Variants in SLAIN2 observed in about 807,000 individuals in gnomAD.
The protein encoded by SLAIN2 is SLAIN motif-containing protein 2.
SLAIN2 carries 31 observed loss-of-function variants against 56.6 expected under a neutral mutation model. That is an observed-to-expected ratio of 0.55 (90% CI 0.41 to 0.74). The LOEUF (loss-of-function observed/expected upper bound fraction) is 0.74. SLAIN2 is among the 30% of genes least tolerant of loss of function. The probability of loss-of-function intolerance (pLI) is 0.00; values close to 1 mark genes in which losing one functional copy is unlikely to be tolerated. For missense variants in SLAIN2, 777 were observed against 754.2 expected, an observed-to-expected ratio of 1.03 and a Z score of -0.35; for synonymous variants, 317 against 284.9, an observed-to-expected ratio of 1.11 and a Z score of -1.13.
At position 48,424,118 on chromosome 4, in the gene SLAIN2, A is replaced by G. The variant is rs1717234782; in HGVS notation, c.*2041A>G. The G allele has an allele frequency of 6.6e-6, 1 of 152,186 alleles. No homozygotes were observed. Among genetic ancestry groups the G allele is most frequent in the Non-Finnish European group, 1.5e-5 (1 of 68,022 alleles). 9.4% of individuals were successfully genotyped at this position (152,186 alleles called of 1,614,324 possible). A position where few individuals can be genotyped will look rare whatever the true frequency, so the allele number is the denominator to read the frequency against. On this transcript the variant is annotated 3_prime_UTR_variant, in exon 8 of 8. Transcript: ENST00000264313. ...TCAGGTTATTTAACTTTGTTTTTAA[A>G]TGGCTGCATCAGAAAAAAATGTCTA...
At chr4:48,360,836 G>A (rs1049445220) in intron 1 of SLAIN2, among the ~76,000 whole-genome samples, 5 of 152,072 alleles carry the variant, frequency 3.3e-5, no homozygotes, top group African/African-American at 4.8e-5. Context: ...GCCTATTCTA[G>A]ACATTCCATA....
chr4:48,380,159 C>G (rs1427181014), intron 4 of SLAIN2, among the ~76,000 whole-genome samples: 1 of 152,082 alleles, frequency 6.6e-6, no homozygotes, highest in Non-Finnish European at 1.5e-5. Flanking sequence ...AATTGTTAGT[C>G]TATTACCCTT....
chr4:48,354,629 G>A (rs1455701242), intron 1 of SLAIN2, among the ~76,000 whole-genome samples: 2 of 151,856 alleles, frequency 1.3e-5, no homozygotes, highest in Admixed American at 6.6e-5. Flanking sequence ...ACCACATTCA[G>A]CTAATTTTTA....
At chr4:48,411,086 GTT>G (rs1299104507) in intron 6 of SLAIN2, among the ~76,000 whole-genome samples, 2 of 152,060 alleles carry the variant, frequency 1.3e-5, no homozygotes, top group Non-Finnish European at 2.9e-5. Flanking sequence ...CGTCGTTGTT[GTT>G]TTAACTAGTG....
intron 2 of SLAIN2, among the ~76,000 whole-genome samples, chr4:48,370,740 A>C (rs1184184970): frequency 3.3e-5 from 5 of 152,228 alleles, no homozygotes; most frequent in Admixed American, 3.3e-4. Context: ...TATTTCTCTC[A>C]GTCTGTTTTA....
intron 1 of SLAIN2, among the ~76,000 whole-genome samples, chr4:48,361,706 G>A (rs1390835670): frequency 6.6e-6 from 1 of 151,976 alleles, no homozygotes; most frequent in East Asian, 1.9e-4. Flanking sequence ...GTCAATTTCT[G>A]CTAAAAATGC....
At chr4:48,353,257 A>G (rs1715059855) in intron 1 of SLAIN2, among the ~76,000 whole-genome samples, 1 of 152,198 alleles carries the variant, frequency 6.6e-6, no homozygotes, top group Admixed American at 6.5e-5. Flanking sequence ...TCAGAACAGT[A>G]GATTTAAATT....
chr4:48,370,025 C>T, intron 2 of SLAIN2, 28 bp downstream of exon 2: 1 of 1,602,914 alleles, frequency 6.2e-7, no homozygotes, highest in Non-Finnish European at 8.5e-7. Context: ...CTTGTAAATT[C>T]ATCTCTTTGC....
intron 6 of SLAIN2, among the ~76,000 whole-genome samples, chr4:48,404,463 C>T (rs554172503): frequency 6.6e-6 from 1 of 152,300 alleles, no homozygotes; most frequent in East Asian, 1.9e-4. Context: ...GCTTTCTCCT[C>T]TTACAGTTGT....
At chr4:48,360,941 A>G (rs1715311566) in intron 1 of SLAIN2, among the ~76,000 whole-genome samples, 1 of 152,234 alleles carries the variant, frequency 6.6e-6, no homozygotes, top group African/African-American at 2.4e-5. Flanking sequence ...ATTGCCTCCA[A>G]CACATTTTTA....
At position 48,395,810 on chromosome 4, in the gene SLAIN2, C is replaced by CTTTTTTTT. The variant is rs10649464; in HGVS notation, c.1360+12037_1360+12044dup. ...TGTGGACTTATTTGGGAACCTTAGG[C>CTTTTTTTT]TTTTTTTTTTTTTTTTTTGAGACTT... On this transcript the variant is annotated intron_variant, in intron 6 of 7. Coordinates refer to ENST00000264313, the MANE Select transcript of SLAIN2 (RefSeq NM_020846.2). 4.7e-3 allele frequency among the ~76,000 whole-genome samples: 345 copies of CTTTTTTTT among 72,652 alleles called. 11 individuals carry two copies. Among genetic ancestry groups the CTTTTTTTT allele is most frequent in the Middle Eastern group, 8.2e-3 (1 of 122 alleles). The allele number at this position is 72,652 out of a possible 152,430, so 47.7% of individuals were successfully genotyped here.
chr4:48,385,446 A>G (rs1716075641), intron 6 of SLAIN2, among the ~76,000 whole-genome samples: 1 of 152,120 alleles, frequency 6.6e-6, no homozygotes, highest in African/African-American at 2.4e-5. Flanking sequence ...CAATGGATGC[A>G]TATTGTCTCA....
chr4:48,353,187 G>A (rs1715057626), intron 1 of SLAIN2, among the ~76,000 whole-genome samples: 1 of 152,152 alleles, frequency 6.6e-6, no homozygotes, highest in Admixed American at 6.5e-5. Context: ...TGAAAATTAA[G>A]AATAAGTTAA....
chr4:48,377,761 TC>T (rs1715860716), intron 2 of SLAIN2, 134 bp from the exon 3 acceptor site: 6 of 819,746 alleles, frequency 7.3e-6, no homozygotes, highest in South Asian at 5.2e-5. Context: ...TTATATTTTT[TC>T]CCCCACTACC....
chr4:48,396,122 G>T (rs1222019113), intron 6 of SLAIN2, among the ~76,000 whole-genome samples: 1 of 151,950 alleles, frequency 6.6e-6, no homozygotes, highest in African/African-American at 2.4e-5. Flanking sequence ...TTTAAAATTT[G>T]CCTATAGGGG....
chr4:48,375,907 C>A (rs972413323), intron 2 of SLAIN2, among the ~76,000 whole-genome samples: 2 of 152,230 alleles, frequency 1.3e-5, no homozygotes, highest in African/African-American at 4.8e-5. Context: ...GCTTCAATGC[C>A]TCTCCTTCCA....
Position 48,341,577 on chromosome 4 carries a change from C to G in SLAIN2, c.-163C>G. 8.7e-7 allele frequency: 1 copy of G among 1,154,542 alleles called. No homozygotes were observed. The highest frequency in any genetic ancestry group is 1.1e-6 in the Non-Finnish European group (1 of 872,392). 71.5% of individuals were successfully genotyped at this position (1,154,542 alleles called of 1,614,324 possible). On this transcript the variant is annotated 5_prime_UTR_variant, in exon 1 of 8. Transcript: ENST00000264313. ...GGCAGTTCGGCTGGGGCCAGCGGCG[C>G]TTTGGAACCCGAGGTGGGGGGACCC...
Position 48,348,212 on chromosome 4 carries a change from A to C in SLAIN2, c.389+6084A>C, listed in dbSNP as rs367983427. Among the ~76,000 whole-genome samples the C allele has an allele frequency of 1.4e-4, 21 of 152,298 alleles. No individual in the cohort carries two copies. In the South Asian group the frequency reaches 2.5e-3, roughly 18 times the overall value. On this transcript the variant is annotated intron_variant, in intron 1 of 7. Coordinates refer to ENST00000264313, the MANE Select transcript of SLAIN2 (RefSeq NM_020846.2). ...AAATTTTGTTTTAGTAGAAGGAAGA[A>C]TTTTTTAATAGAGCTGTTTTTGGAT...
intron 1 of SLAIN2, among the ~76,000 whole-genome samples, chr4:48,346,580 G>C (rs1017575308): frequency 1.3e-5 from 2 of 152,118 alleles, no homozygotes; most frequent in African/African-American, 4.8e-5. Flanking sequence ...TATGCTTTTT[G>C]TAGAGGGCCA....
Sources: gnomAD v4.1 joint callset for allele counts (sites outside exome capture counted in the v4.1 genomes callset) on GRCh38, gnomAD v4.1.1 for gene constraint, MANE v1.5 for transcripts, NCBI Gene and HGNC (gene_info 2026-07-23, HGNC 2026-07-21) for gene names.